PLEKHM2: variants seen among roughly 807,000 people sequenced by gnomAD.
PLEKHM2 encodes the protein pleckstrin homology domain-containing family M member 2.
A neutral mutation model predicts 116.3 loss-of-function variants in PLEKHM2; 77 were observed. That is an observed-to-expected ratio of 0.66 (90% CI 0.55 to 0.80). The LOEUF is 0.80. Ranked by LOEUF, PLEKHM2 falls within the 30% of genes least tolerant of loss-of-function variation. PLEKHM2 has a pLI of 0.00. For missense variants in PLEKHM2, 1,183 were observed against 1,354.9 expected (o/e 0.87, Z 1.99); for synonymous variants, 562 against 571.0 (o/e 0.98, Z 0.22).
intron 1 of PLEKHM2, among the ~76,000 whole-genome samples, chr1:15,706,716 A>AT (rs1458959166): frequency 2.0e-5 from 3 of 151,580 alleles, no homozygotes; most frequent in Non-Finnish European, 4.4e-5. Flanking sequence ...TTTTGTATTT[A>AT]TTTTTTTCCC....
Position 15,734,050 on chromosome 1 carries a change from C to G in PLEKHM2, c.*116C>G. On this transcript the variant is annotated 3_prime_UTR_variant, in exon 20 of 20. Coordinates refer to ENST00000375799, the MANE Select transcript of PLEKHM2 (RefSeq NM_015164.4). ...GCCTACAGTCCACCCCTGCCCTGGG[C>G]GGCAGAACCACCGAGTGTGGCTTAA... 8.4e-7 allele frequency: 1 copy of G among 1,186,776 alleles called. No individual in the cohort carries two copies. The highest frequency in any genetic ancestry group is 1.2e-6 in the Non-Finnish European group (1 of 868,000). The allele number at this position is 1,186,776 out of a possible 1,614,324, so 73.5% of individuals were successfully genotyped here.
At position 15,728,449 on chromosome 1, in the gene PLEKHM2, G is replaced by A. The variant is rs889046318; in HGVS notation, c.1921+92G>A. On this transcript the variant is annotated intron_variant, in intron 11 of 19. Transcript: ENST00000375799. The surrounding 1 kb of genome is among the most constrained non-coding windows in gnomAD (Gnocchi z 5.9). ...TCCCCTTGCCCTCTGAGTGCCTCCC[G>A]GCTGCCTGGCATGCAGTGATGGAAA... The A allele has an allele frequency of 1.1e-5, 13 of 1,224,234 alleles. No individual in the cohort carries two copies. The highest frequency in any genetic ancestry group is 7.0e-5 in the South Asian group (5 of 71,340). 75.8% of individuals were successfully genotyped at this position (1,224,234 alleles called of 1,614,324 possible).
chr1:15,729,084 C>CG lies in PLEKHM2; in HGVS notation c.1987-16dup. ...GCAGCTAAGCCCCAAGTGCATGTCA[C>CG]GGTGTGGTTTCTGGCAGGTTGGCCT... On this transcript the variant is annotated splice_polypyrimidine_tract_variant and intron_variant, in intron 12 of 19. Coordinates refer to ENST00000375799, the MANE Select transcript of PLEKHM2 (RefSeq NM_015164.4). This position sits in a 1 kb window ranked among gnomAD's most constrained non-coding sequence, Gnocchi z 4.7. 1 of 1,598,062 alleles carries CG rather than the reference C, an allele frequency of 6.3e-7. No individual in the cohort carries two copies. Among genetic ancestry groups the CG allele is most frequent in the Non-Finnish European group, 8.5e-7 (1 of 1,171,812 alleles).
chr1:15,730,046 TGGGCGGGGCGGGGCGGGGCGGGGCG>T, intron 14 of PLEKHM2, 117 bp downstream of exon 14: 1 of 164,250 alleles, frequency 6.1e-6, no homozygotes, highest in East Asian at 2.9e-4. Flanking sequence ...ATCGCCTACC[TGGGCGGGGCGGGGCGGGGCGGGGCG>T]GGGCGGGGCT....
At chr1:15,713,622 G>A (rs1027822577) in intron 1 of PLEKHM2, among the ~76,000 whole-genome samples, 10 of 146,104 alleles carry the variant, frequency 6.8e-5, no homozygotes. Context: ...TCTGTTTTTT[G>A]TTTGTTTGTT....
At chr1:15,717,210 A>G (rs1641463086) in intron 3 of PLEKHM2, among the ~76,000 whole-genome samples, 1 of 152,168 alleles carries the variant, frequency 6.6e-6, no homozygotes, top group South Asian at 2.1e-4. Context: ...TGACCACAGC[A>G]TTGCACTCCA....
In PLEKHM2 at chr1:15,734,072, T is replaced by G; in HGVS notation, c.*138T>G. ...GGGCGGCAGAACCACCGAGTGTGGC[T>G]TAAGACAGGGTCCCTCCACTCCAGG... On this transcript the variant is annotated 3_prime_UTR_variant, in exon 20 of 20. Coordinates refer to ENST00000375799, the MANE Select transcript of PLEKHM2 (RefSeq NM_015164.4). 5 of 958,154 alleles carry G rather than the reference T, an allele frequency of 5.2e-6. No individual in the cohort carries two copies. Among genetic ancestry groups the G allele is most frequent in the Non-Finnish European group, 7.5e-6 (5 of 665,318 alleles). 59.4% of individuals were successfully genotyped at this position (958,154 alleles called of 1,614,324 possible). A position where few individuals can be genotyped will look rare whatever the true frequency, so the allele number is the denominator to read the frequency against.
intron 1 of PLEKHM2, among the ~76,000 whole-genome samples, chr1:15,700,244 T>A (rs1428732795): frequency 1.3e-5 from 2 of 152,198 alleles, no homozygotes; most frequent in Non-Finnish European, 1.5e-5. Flanking sequence ...TTTGTTTTTT[T>A]AATTTTATTT....
rs543371000 is a variant in PLEKHM2 at position 15,698,944 on chromosome 1, C to G, written c.60+14326C>G. 2.0e-5 allele frequency among the ~76,000 whole-genome samples: 3 copies of G among 152,220 alleles called. No homozygotes were observed. In the South Asian group the frequency reaches 6.2e-4, roughly 32 times the overall value. On this transcript the variant is annotated intron_variant, in intron 1 of 19. Transcript: ENST00000375799. Reference sequence around the variant, plus strand: ...GGGGTGATTTCTGGGCTTTCTTGCTCTATAATTCACTATAATTTGATTGCC... The same window carrying G: ...GGGGTGATTTCTGGGCTTTCTTGCTGTATAATTCACTATAATTTGATTGCC...
At chr1:15,711,481 G>A (rs1029847191) in intron 1 of PLEKHM2, among the ~76,000 whole-genome samples, 1 of 152,080 alleles carries the variant, frequency 6.6e-6, no homozygotes, top group African/African-American at 2.4e-5. Context: ...GCCAGGTGTG[G>A]TCGAAGGTGC....
intron 2 of PLEKHM2, 85 bp downstream of exon 2, chr1:15,716,428 C>A: frequency 1.2e-6 from 1 of 841,868 alleles, no homozygotes; most frequent in Non-Finnish European, 1.9e-6. Flanking sequence ...GCCTCTCTGC[C>A]TTTTCTTTCT....
chr1:15,698,529 TTTTC>T (rs1343574961), intron 1 of PLEKHM2, among the ~76,000 whole-genome samples: 162 of 146,832 alleles, frequency 1.1e-3, no homozygotes, highest in Middle Eastern at 3.5e-3. Context: ...TTTTCTTTCT[TTTTC>T]TTTCTTTCTT....
chr1:15,704,177 A>C (rs1283690345), intron 1 of PLEKHM2, among the ~76,000 whole-genome samples: 1 of 151,544 alleles, frequency 6.6e-6, no homozygotes, highest in East Asian at 1.9e-4. Context: ...GAGGGGTCCC[A>C]TCCTGTCTTT....
rs751828717 is a variant in PLEKHM2, at chr1:15,731,268, C to A, written c.2465+11C>A. 6.4e-7 allele frequency: 1 copy of A among 1,564,440 alleles called. No homozygotes were observed. Among genetic ancestry groups the A allele is most frequent in the Admixed American group, 1.8e-5 (1 of 54,158 alleles). ...CTCGGTGAACATGGGGTAAGTGTCC[C>A]GGGAGAAGCGGGTGTATCCTGGGGC... On this transcript the variant is annotated intron_variant, in intron 16 of 19. Transcript: ENST00000375799.
chr1:15,725,266 G>A (rs1181170680), intron 7 of PLEKHM2, 51 bp from the exon 8 acceptor site: 1 of 1,393,610 alleles, frequency 7.2e-7, no homozygotes, highest in Non-Finnish European at 1.0e-6. Context: ...TGGGGGTCGG[G>A]GACCCCGGGG....
At chr1:15,712,484 C>T (rs954358689) in intron 1 of PLEKHM2, among the ~76,000 whole-genome samples, 27 of 152,108 alleles carry the variant, frequency 1.8e-4, no homozygotes, top group Middle Eastern at 3.2e-3. Flanking sequence ...CACAGGACTG[C>T]ACAATGGTCA....
At position 15,716,747 on chromosome 1, in the gene PLEKHM2, C is replaced by T. The variant is rs541242097; in HGVS notation, c.208C>T (p.His70Tyr). The change falls in exon 3 of 20, where the codon CAT becomes TAT. Residue 70 changes from histidine to tyrosine, a missense_variant. His to Tyr is a moderately conservative substitution (Grantham distance 83). Coordinates refer to ENST00000375799, the MANE Select transcript of PLEKHM2 (RefSeq NM_015164.4). ...CTCTGGCTACTGGGTGCTCGTGGTGCATTTTACTCGGAGAGAGGCCATCAA... is the reference window on the plus strand; with the variant it reads ...CTCTGGCTACTGGGTGCTCGTGGTGTATTTTACTCGGAGAGAGGCCATCAA... ...LSSGYWVLVV[H>Y]FTRREAIKQI... 1.3e-6 allele frequency: 2 copies of T among 1,579,652 alleles called. No homozygotes were observed. The highest frequency in any genetic ancestry group is 1.3e-5 in the African/African-American group (1 of 74,330).
intron 1 of PLEKHM2, among the ~76,000 whole-genome samples, chr1:15,694,293 G>A (rs1640946032): frequency 6.6e-6 from 1 of 151,964 alleles, no homozygotes; most frequent in South Asian, 2.1e-4. Flanking sequence ...AGGTCGCAGT[G>A]AGCCAAGATC....
At position 15,729,082 on chromosome 1, in the gene PLEKHM2, C is replaced by T. The variant is rs1393110283; in HGVS notation, c.1987-20C>T. The T allele has an allele frequency of 2.5e-6, 4 of 1,596,586 alleles. No homozygotes were observed. The African/African-American group carries it at 5.4e-5, about 21-fold the overall frequency. On this transcript the variant is annotated intron_variant, in intron 12 of 19. Coordinates refer to ENST00000375799, the MANE Select transcript of PLEKHM2 (RefSeq NM_015164.4). The surrounding 1 kb of genome is among the most constrained non-coding windows in gnomAD (Gnocchi z 4.7). The stretch of plus-strand genomic sequence containing the variant: ...CAGCAGCTAAGCCCCAAGTGCATGT[C>T]ACGGTGTGGTTTCTGGCAGGTTGGC...
Sources: gnomAD v4.1 joint callset for allele counts (sites outside exome capture counted in the v4.1 genomes callset) on GRCh38, gnomAD v4.1.1 for gene constraint, Gnocchi (gnomAD v3.1) non-coding constraint, MANE v1.5 for transcripts, NCBI Gene and HGNC (gene_info 2026-07-23, HGNC 2026-07-21) for gene names.